Variants in PSPC1 observed in about 807,000 individuals in gnomAD.
PSPC1 encodes paraspeckle protein 1.
A neutral mutation model predicts 51.6 loss-of-function variants in PSPC1; 14 were observed. The ratio of observed to expected loss-of-function variants is 0.27; its 90% CI spans 0.18 to 0.42. The LOEUF (loss-of-function observed/expected upper bound fraction) is 0.42. Among genes scored for constraint, PSPC1 ranks in the 10% least tolerant of loss-of-function variants. PSPC1 has a pLI of 1.00. For missense variants in PSPC1, 406 were observed against 701.1 expected (o/e 0.58, Z 4.75); for synonymous variants, 193 against 231.9 (o/e 0.83, Z 1.53).
intron 4 of PSPC1, among the ~76,000 whole-genome samples, chr13:19,749,347 T>A (rs1161305217): frequency 6.6e-6 from 1 of 151,440 alleles, no homozygotes; most frequent in African/African-American, 2.4e-5. Context: ...AGACTCCATC[T>A]CAAATTTTAA....
intron 1 of PSPC1, among the ~76,000 whole-genome samples, chr13:19,778,296 G>A (rs983403219): frequency 8.9e-5 from 9 of 100,788 alleles, no homozygotes; most frequent in East Asian, 6.0e-4. Context: ...TTTTAAAAAA[G>A]AAAAAAATTA....
chr13:19,703,746 G>C (rs1390552739), intron 8 of PSPC1, among the ~76,000 whole-genome samples: 1 of 151,738 alleles, frequency 6.6e-6, no homozygotes, highest in Non-Finnish European at 1.5e-5. Flanking sequence ...AAAAATCAGA[G>C]AAATAAAACT....
chr13:19,711,656 A>G (rs201018224), intron 6 of PSPC1, among the ~76,000 whole-genome samples: 3,611 of 149,332 alleles, frequency 0.024, 101 homozygotes, highest in South Asian at 0.092. Context: ...AAAAAAAAAA[A>G]AAAAAGAAAC....
chr13:19,717,704 T>C (rs1449214845), intron 6 of PSPC1, among the ~76,000 whole-genome samples: 4 of 69,636 alleles, frequency 5.7e-5, no homozygotes, highest in Non-Finnish European at 8.2e-5. Context: ...AGACTCTGTC[T>C]CAAAAAAAAA....
At chr13:19,688,134 C>A (rs1878141512) in intron 6 of PSPC1, among the ~76,000 whole-genome samples, 1 of 152,114 alleles carries the variant, frequency 6.6e-6, no homozygotes, top group East Asian at 1.9e-4. Context: ...AATGCTCCCA[C>A]CTCCAAACAA....
intron 6 of PSPC1, among the ~76,000 whole-genome samples, chr13:19,729,510 C>T (rs1883778901): frequency 6.7e-6 from 1 of 148,230 alleles, no homozygotes; most frequent in African/African-American, 2.5e-5. Flanking sequence ...GCACTCCAGC[C>T]TGGTTGACAG....
intron 6 of PSPC1, among the ~76,000 whole-genome samples, chr13:19,690,344 C>T (rs1165421367): frequency 6.6e-6 from 1 of 152,198 alleles, no homozygotes; most frequent in African/African-American, 2.4e-5. Flanking sequence ...ACAATGAGTT[C>T]TAGTTGCTAC....
chr13:19,754,436 G>A (rs562000488), intron 3 of PSPC1, among the ~76,000 whole-genome samples: 24 of 145,506 alleles, frequency 1.6e-4, no homozygotes, highest in South Asian at 6.6e-4. Flanking sequence ...TAATAAAAGT[G>A]GGAATATAAC....
intron 2 of PSPC1, among the ~76,000 whole-genome samples, chr13:19,770,462 C>A (rs138348571): frequency 0.032 from 4,815 of 152,144 alleles, 87 homozygotes; most frequent in Middle Eastern, 0.075. Flanking sequence ...GAGTTCGAGA[C>A]CAGCCTGGCC....
At chr13:19,725,882 C>T (rs1277661973) in intron 6 of PSPC1, among the ~76,000 whole-genome samples, 1 of 152,078 alleles carries the variant, frequency 6.6e-6, no homozygotes, top group East Asian at 1.9e-4. Context: ...GATATATAAC[C>T]ATATGCAGTG....
chr13:19,690,699 T>C (rs1042794257), intron 6 of PSPC1, among the ~76,000 whole-genome samples: 1 of 152,292 alleles, frequency 6.6e-6, no homozygotes. Context: ...AAATTTTATA[T>C]TGATCGTTGA....
rs1255342490 is a variant in PSPC1, at chr13:19,679,331, C to A, written c.1159-1508G>T. Among the ~76,000 whole-genome samples, 10 of 151,928 alleles carry A rather than the reference C, an allele frequency of 6.6e-5. No homozygotes were observed. In the East Asian group the frequency reaches 1.7e-3, roughly 27 times the overall value. On this transcript the variant is annotated intron_variant and NMD_transcript_variant, in intron 6 of 7. Transcript: ENST00000471658. ...ACAACATGGCAAAGTCCCGTCTCTA[C>A]AAAAAAATACAAAAATTAGCCACAC... is the stretch of plus-strand genomic sequence containing the variant.
intron 6 of PSPC1, among the ~76,000 whole-genome samples, chr13:19,714,162 CA>C: frequency 6.6e-6 from 1 of 152,146 alleles, no homozygotes; most frequent in Non-Finnish European, 1.5e-5. Flanking sequence ...GATTTGTCCA[CA>C]AAGTACATCT....
At chr13:19,747,252 G>C (rs1407919797) in intron 4 of PSPC1, among the ~76,000 whole-genome samples, 1 of 152,058 alleles carries the variant, frequency 6.6e-6, no homozygotes, top group East Asian at 1.9e-4. Context: ...CCATATAAAA[G>C]AATATCATAC....
chr13:19,780,054 T>G (rs1593798582), intron 1 of PSPC1, among the ~76,000 whole-genome samples: 2 of 118,342 alleles, frequency 1.7e-5, no homozygotes, highest in Admixed American at 8.3e-5. Flanking sequence ...GTCCGGGAGG[T>G]GAGGGGCGCC....
chr13:19,704,043 T>G (rs1433266655), intron 8 of PSPC1, among the ~76,000 whole-genome samples: 1 of 152,254 alleles, frequency 6.6e-6, no homozygotes, highest in Non-Finnish European at 1.5e-5. Flanking sequence ...TAGAACTCCC[T>G]GAAGTGTAGC....
intron 6 of PSPC1, among the ~76,000 whole-genome samples, chr13:19,688,251 C>T (rs1878157081): frequency 6.6e-6 from 1 of 152,028 alleles, no homozygotes; most frequent in African/African-American, 2.4e-5. Flanking sequence ...ATGTGTAATC[C>T]GTCAAGGTAC....
chr13:19,776,392 G>A (rs1379683806), intron 1 of PSPC1, among the ~76,000 whole-genome samples: 1 of 152,134 alleles, frequency 6.6e-6, no homozygotes, highest in East Asian at 1.9e-4. Context: ...CTTCAGCCCC[G>A]GAAGTGGAGG....
At position 19,777,854 on chromosome 13, in the gene PSPC1, G is replaced by A. The variant is rs576245710; in HGVS notation, c.372+4532C>T. Reference sequence around the variant, plus strand: ...CCAGCTACTCAGGAGGCTGAGGCAGGAGAATCGCTTGAACCAGGGAGGCAG... The same window carrying A: ...CCAGCTACTCAGGAGGCTGAGGCAGAAGAATCGCTTGAACCAGGGAGGCAG... On this transcript the variant is annotated intron_variant, in intron 1 of 8. Transcript: ENST00000338910. Among the ~76,000 whole-genome samples, 3 of 152,208 alleles carry A rather than the reference G, an allele frequency of 2.0e-5. No homozygotes were observed. The South Asian group carries it at 6.2e-4, about 32-fold the overall frequency.
Sources: allele counts gnomAD v4.1 joint callset (sites outside exome capture counted in the v4.1 genomes callset), GRCh38; gene constraint gnomAD v4.1.1; transcripts MANE v1.5; gene names NCBI Gene and HGNC (gene_info 2026-07-23, HGNC 2026-07-21).